Variants in SLC39A11 observed in about 807,000 individuals in gnomAD.
The protein encoded by SLC39A11 is solute carrier family 39 member 11, also known as zinc transporter ZIP11.
Under a neutral mutation model 36.1 loss-of-function variants are expected in SLC39A11, and 33 were observed. That is an observed-to-expected ratio of 0.91 (90% CI 0.69 to 1.22). The LOEUF is 1.22. SLC39A11 is among the 50% of genes most tolerant of loss of function. The pLI is 0.00. For synonymous variants in SLC39A11, 166 were observed against 170.3 expected (o/e 0.97, Z 0.20); for missense variants, 432 against 430.3 (o/e 1.00, Z -0.03).
chr17:72,759,606 G>A (rs1267264972), intron 6 of SLC39A11, among the ~76,000 whole-genome samples: 3 of 152,154 alleles, frequency 2.0e-5, no homozygotes, highest in Admixed American at 6.5e-5. Context: ...GCAATCTTAG[G>A]AGGAGATAAG....
intron 4 of SLC39A11, among the ~76,000 whole-genome samples, chr17:73,004,698 C>A (rs954468717): frequency 6.6e-6 from 1 of 152,228 alleles, no homozygotes. Flanking sequence ...TCTACTTCAC[C>A]TGGTCAAGTC....
chr17:72,767,903 G>T (rs1160233572), intron 6 of SLC39A11, among the ~76,000 whole-genome samples: 1 of 152,068 alleles, frequency 6.6e-6, no homozygotes, highest in African/African-American at 2.4e-5. Flanking sequence ...ATACCACTTG[G>T]GAGACAGAGT....
At chr17:73,091,188 G>A (rs1364489704) in intron 1 of SLC39A11, among the ~76,000 whole-genome samples, 2 of 152,214 alleles carry the variant, frequency 1.3e-5, no homozygotes, top group Admixed American at 1.3e-4. Context: ...AGCACCTTGG[G>A]AGGCCAAGAC....
chr17:72,997,887 T>C (rs902487421), intron 4 of SLC39A11, among the ~76,000 whole-genome samples: 1 of 152,118 alleles, frequency 6.6e-6, no homozygotes, highest in Non-Finnish European at 1.5e-5. Context: ...ACAAGAGTAG[T>C]GATGCTGGGA....
chr17:72,999,803 C>T (rs951271664), intron 4 of SLC39A11, among the ~76,000 whole-genome samples: 6 of 152,112 alleles, frequency 3.9e-5, no homozygotes, highest in Admixed American at 6.5e-5. Flanking sequence ...TGCAGTGGTG[C>T]GATCTCAGCT....
intron 3 of SLC39A11, chr17:73,068,245 A>T: frequency 1.3e-6 from 1 of 793,712 alleles, no homozygotes; most frequent in South Asian, 1.7e-5. Flanking sequence ...CTCCAGTAGC[A>T]CTTGAGGGAG....
chr17:72,798,304 T>C (rs1301315079), intron 6 of SLC39A11, among the ~76,000 whole-genome samples: 1 of 152,046 alleles, frequency 6.6e-6, no homozygotes, highest in East Asian at 1.9e-4. Context: ...TGTGCCAGCA[T>C]GGTCATGTTC....
chr17:73,060,792 C>T (rs1010862956), intron 3 of SLC39A11, among the ~76,000 whole-genome samples: 5 of 151,950 alleles, frequency 3.3e-5, no homozygotes, highest in African/African-American at 1.2e-4. Context: ...AAATTTGATA[C>T]GTGATCAGCC....
Position 73,067,563 on chromosome 17 carries a change from A to C in SLC39A11, c.147+17245T>G, listed in dbSNP as rs539605600. Among the ~76,000 whole-genome samples, 10 of 152,184 alleles carry C rather than the reference A, an allele frequency of 6.6e-5. No individual in the cohort carries two copies. The South Asian group carries it at 1.5e-3, about 22-fold the overall frequency. Reference sequence around the variant, plus strand: ...TTCTTTTTTTTGAGAACTGGCAATGAAGACGCTTATACAGTCTTAGTCTCC... The same window carrying C: ...TTCTTTTTTTTGAGAACTGGCAATGCAGACGCTTATACAGTCTTAGTCTCC... On this transcript the variant is annotated intron_variant, in intron 3 of 9. Transcript: ENST00000255559.
intron 4 of SLC39A11, among the ~76,000 whole-genome samples, chr17:72,975,913 G>T (rs1368441273): frequency 6.6e-6 from 1 of 152,154 alleles, no homozygotes. Context: ...GCTCACACCT[G>T]TAATTCCAGC....
At chr17:72,717,106 G>A (rs60241805) in intron 7 of SLC39A11, among the ~76,000 whole-genome samples, 13,135 of 143,682 alleles carry the variant, frequency 0.091, 799 homozygotes, top group African/African-American at 0.17. Flanking sequence ...ACTTATATGT[G>A]TATGTATATA....
chr17:72,907,861 G>A (rs1458981554), intron 5 of SLC39A11, among the ~76,000 whole-genome samples: 1 of 152,208 alleles, frequency 6.6e-6, no homozygotes, highest in African/African-American at 2.4e-5. Context: ...GCACAGCATG[G>A]GGCAGTCACC....
rs373700671 is a variant in SLC39A11, at chr17:72,660,598, C to T, written c.672-11330G>A. 5.2e-4 allele frequency among the ~76,000 whole-genome samples: 79 copies of T among 152,298 alleles called. 2 individuals are homozygous for T. Among genetic ancestry groups the T allele is most frequent in the African/African-American group, 1.8e-3 (74 of 41,554 alleles). On this transcript the variant is annotated intron_variant, in intron 7 of 9. Coordinates refer to ENST00000255559, the MANE Select transcript of SLC39A11 (RefSeq NM_139177.4). ...TATGGAGATAGGGGCGGACGCTGCC[C>T]GACACCCACTTGGCTAGTGAGCTGA...
intron 5 of SLC39A11, among the ~76,000 whole-genome samples, chr17:72,918,908 C>T (rs1209893125): frequency 6.6e-6 from 1 of 151,838 alleles, no homozygotes; most frequent in African/African-American, 2.4e-5. Flanking sequence ...ACTAAAAATA[C>T]AAAAATTAGC....
intron 6 of SLC39A11, among the ~76,000 whole-genome samples, chr17:72,846,016 CTCTTT>C (rs2079034263): frequency 2.3e-5 from 2 of 85,314 alleles, no homozygotes; most frequent in African/African-American, 9.9e-5. Flanking sequence ...CTCTCTCTCT[CTCTTT>C]TTTTTTTTTT....
At position 72,986,406 on chromosome 17, in the gene SLC39A11, C is replaced by T. The variant is rs558663340; in HGVS notation, c.307-38531G>A. Among the ~76,000 whole-genome samples, 4 of 152,210 alleles carry T rather than the reference C, an allele frequency of 2.6e-5. No individual in the cohort carries two copies. The South Asian group carries it at 6.2e-4, about 24-fold the overall frequency. On this transcript the variant is annotated intron_variant, in intron 4 of 9. Coordinates refer to ENST00000255559, the MANE Select transcript of SLC39A11 (RefSeq NM_139177.4). ...CGGTGAAGCTTTTTAGAAATACAGACGTCTAAGCTCCACCCAAAGCCTCCT... is the reference window on the plus strand; with the variant it reads ...CGGTGAAGCTTTTTAGAAATACAGATGTCTAAGCTCCACCCAAAGCCTCCT...
intron 6 of SLC39A11, among the ~76,000 whole-genome samples, chr17:72,780,970 C>T (rs59554630): frequency 3.9e-5 from 6 of 152,106 alleles, no homozygotes; most frequent in South Asian, 2.1e-4. Context: ...CTGGGCAACA[C>T]GAGTGTAATT....
chr17:72,946,677 G>A (rs906464953), intron 5 of SLC39A11, among the ~76,000 whole-genome samples: 13 of 152,214 alleles, frequency 8.5e-5, no homozygotes, highest in African/African-American at 2.9e-4. Context: ...TTTCGTCCCC[G>A]GGGTCTTGCA....
At chr17:72,765,034 T>C (rs2075715162) in intron 6 of SLC39A11, among the ~76,000 whole-genome samples, 1 of 152,214 alleles carries the variant, frequency 6.6e-6, no homozygotes, top group Non-Finnish European at 1.5e-5. Flanking sequence ...ATAATAGCTC[T>C]TCCCCCAAAC....
Sources: gnomAD v4.1 joint callset for allele counts (sites outside exome capture counted in the v4.1 genomes callset) on GRCh38, gnomAD v4.1.1 for gene constraint, MANE v1.5 for transcripts, NCBI Gene and HGNC (gene_info 2026-07-23, HGNC 2026-07-21) for gene names.